Variants in TPH2 observed in about 807,000 individuals in gnomAD.
TPH2 encodes the protein tryptophan 5-hydroxylase 2.
In TPH2, 27 loss-of-function variants were observed where a neutral mutation model predicts 59.1. That is an observed-to-expected ratio of 0.46 (90% confidence interval 0.34 to 0.63). The LOEUF (loss-of-function observed/expected upper bound fraction) is 0.63, where lower values mean the gene tolerates loss of function less well. TPH2 is among the 30% of genes least tolerant of loss of function. The probability of loss-of-function intolerance (pLI) is 0.01; values close to 1 mark genes in which losing one functional copy is unlikely to be tolerated. For synonymous variants in TPH2, 220 were observed against 210.5 expected (o/e 1.05, Z -0.39); for missense variants, 523 against 588.3 (o/e 0.89, Z 1.15).
chr12:71,951,577 G>A (rs1029096616), intron 5 of TPH2, among the ~76,000 whole-genome samples: 19 of 152,100 alleles, frequency 1.2e-4, no homozygotes, highest in African/African-American at 4.1e-4. Context: ...CAAACTCCTG[G>A]GCTCAAGTGA....
At chr12:71,951,503 C>A (rs1871344967) in intron 5 of TPH2, among the ~76,000 whole-genome samples, 1 of 152,104 alleles carries the variant, frequency 6.6e-6, no homozygotes, top group African/African-American at 2.4e-5. Flanking sequence ...CCATGCCCAG[C>A]TAATTTTTAA....
chr12:71,983,062 T>C (rs1872329166), intron 7 of TPH2, among the ~76,000 whole-genome samples: 2 of 46,008 alleles, frequency 4.3e-5, no homozygotes, highest in Admixed American at 5.6e-4. Context: ...CCTGAATCTA[T>C]AAAAATAAAA....
rs1425976549 is a variant in TPH2, at chr12:71,963,456, A to ATG, written c.609-9061_609-9060dup. Reference sequence around the variant, plus strand: ...TGTATATACATACATATATATATATATGTATGTATATACACACATATATGT... The same window carrying ATG: ...TGTATATACATACATATATATATATATGTGTATGTATATACACACATATATGT... On this transcript the variant is annotated intron_variant, in intron 5 of 10. Coordinates refer to ENST00000333850, the MANE Select transcript of TPH2 (RefSeq NM_173353.4). Among the ~76,000 whole-genome samples the ATG allele has an allele frequency of 2.3e-4, 11 of 46,956 alleles. 5 individuals are homozygous for ATG. Among genetic ancestry groups the ATG allele is most frequent in the African/African-American group, 6.6e-4 (11 of 16,610 alleles). 30.8% of individuals were successfully genotyped at this position (46,956 alleles called of 152,430 possible).
chr12:71,978,437 A>G (rs940860980), intron 6 of TPH2, among the ~76,000 whole-genome samples: 3 of 152,184 alleles, frequency 2.0e-5, no homozygotes, highest in Non-Finnish European at 4.4e-5. Flanking sequence ...AATCATGATA[A>G]TTTATATAAC....
chr12:72,016,432 A>T (rs2139240078), intron 8 of TPH2, among the ~76,000 whole-genome samples: 1 of 152,248 alleles, frequency 6.6e-6, no homozygotes, highest in South Asian at 2.1e-4. Flanking sequence ...TACGTAACTA[A>T]GCTTTGTTAG....
intron 9 of TPH2, among the ~76,000 whole-genome samples, chr12:72,022,859 A>G (rs1017817977): frequency 6.6e-6 from 1 of 152,118 alleles, no homozygotes; most frequent in African/African-American, 2.4e-5. Context: ...TGGCTTGGCT[A>G]CTCTGATTTC....
intron 4 of TPH2, among the ~76,000 whole-genome samples, chr12:71,946,555 C>T (rs1392951580): frequency 6.6e-6 from 1 of 152,112 alleles, no homozygotes; most frequent in African/African-American, 2.4e-5. Flanking sequence ...TTAGCAATCC[C>T]CTCTCTTGTC....
chr12:71,967,373 A>G (rs990161735), intron 5 of TPH2, among the ~76,000 whole-genome samples: 2 of 152,204 alleles, frequency 1.3e-5, no homozygotes, highest in African/African-American at 2.4e-5. Context: ...TGAGTAACAT[A>G]ATCCACCAGA....
At chr12:72,031,423 A>T in intron 10 of TPH2, 32 bp downstream of exon 10, 1 of 1,613,294 alleles carries the variant, frequency 6.2e-7, no homozygotes, top group Non-Finnish European at 8.5e-7. Flanking sequence ...GCTAGAGAAA[A>T]TAACTTTTTA....
At position 71,984,350 on chromosome 12, in the gene TPH2, A is replaced by AT. The variant is rs144499671; in HGVS notation, c.941+5269dup. Among the ~76,000 whole-genome samples, 397 of 152,278 alleles carry AT rather than the reference A, an allele frequency of 2.6e-3. 2 individuals carry two copies. Among genetic ancestry groups the AT allele is most frequent in the African/African-American group, 9.1e-3 (377 of 41,530 alleles). Reference sequence around the variant, plus strand: ...ATCCGTTTCTAAGTAAAGTAAATGAATTTTTTGCTTATTAGGAAAGCTTGG... The same window carrying AT: ...ATCCGTTTCTAAGTAAAGTAAATGAATTTTTTTGCTTATTAGGAAAGCTTGG... On this transcript the variant is annotated intron_variant, in intron 7 of 10. Coordinates refer to ENST00000333850, the MANE Select transcript of TPH2 (RefSeq NM_173353.4).
chr12:71,961,796 A>C, intron 5 of TPH2: 1 of 1,235,784 alleles, frequency 8.1e-7, no homozygotes, highest in Non-Finnish European at 1.0e-6. Context: ...CCTGTGGTGC[A>C]CAGGACAAAT....
chr12:71,960,972 C>A (rs764964637), intron 5 of TPH2, among the ~76,000 whole-genome samples: 4 of 152,120 alleles, frequency 2.6e-5, no homozygotes, highest in African/African-American at 4.8e-5. Context: ...ATATTGAGTA[C>A]CTATTAGGCA....
At chr12:71,953,043 T>C (rs1442720406) in intron 5 of TPH2, among the ~76,000 whole-genome samples, 7 of 152,200 alleles carry the variant, frequency 4.6e-5, no homozygotes. Context: ...GAAGAAACTG[T>C]TTAGTTTCCC....
chr12:71,972,406 C>G (rs7963720), intron 5 of TPH2, 113 bp from the exon 6 acceptor site: 14 of 968,620 alleles, frequency 1.4e-5, no homozygotes, highest in Non-Finnish European at 2.4e-5. Context: ...TCCTTTCAGA[C>G]GCTCATGTGC....
At chr12:71,962,167 G>A in intron 5 of TPH2, 1 of 986,472 alleles carries the variant, frequency 1.0e-6, no homozygotes, top group Non-Finnish European at 1.2e-6. Flanking sequence ...TCCCCGTCAA[G>A]CCACGTATGT....
intron 6 of TPH2, among the ~76,000 whole-genome samples, chr12:71,976,307 G>A (rs1490085165): frequency 6.6e-6 from 1 of 152,142 alleles, no homozygotes; most frequent in African/African-American, 2.4e-5. Flanking sequence ...CACAACCCTT[G>A]GTGAACTGGA....
At chr12:72,023,821 G>GAAAAAAAAAAAAAA (rs767208238) in intron 9 of TPH2, among the ~76,000 whole-genome samples, 7 of 27,900 alleles carry the variant, frequency 2.5e-4, no homozygotes, top group Non-Finnish European at 5.1e-4. Flanking sequence ...GACTCTGACA[G>GAAAAAAAAAAAAAA]AAAAAAAAAA....
intron 6 of TPH2, among the ~76,000 whole-genome samples, chr12:71,975,106 G>A (rs542256213): frequency 7.9e-5 from 12 of 152,224 alleles, no homozygotes; most frequent in African/African-American, 2.9e-4. Flanking sequence ...CAGCACATGG[G>A]GAGGCCAAGG....
At chr12:71,959,953 A>C (rs910629750) in intron 5 of TPH2, among the ~76,000 whole-genome samples, 2 of 152,142 alleles carry the variant, frequency 1.3e-5, no homozygotes, top group Non-Finnish European at 2.9e-5. Context: ...GGCACCTTAG[A>C]AGGCAAATAT....
Sources: gnomAD v4.1 joint callset for allele counts (sites outside exome capture counted in the v4.1 genomes callset) on GRCh38, gnomAD v4.1.1 for gene constraint, MANE v1.5 for transcripts, NCBI Gene and HGNC (gene_info 2026-07-23, HGNC 2026-07-21) for gene names.